The following SYN3 variants were observed in gnomAD, a reference collection of about 807,000 sequenced individuals.
The protein encoded by SYN3 is synapsin-3.
SYN3 carries 35 observed loss-of-function variants against 65.8 expected under a neutral mutation model. That is an observed-to-expected ratio of 0.53 (90% CI 0.41 to 0.70). The LOEUF is 0.70. Among genes scored for constraint, SYN3 ranks in the 30% least tolerant of loss-of-function variants. The pLI is 0.00. For synonymous variants in SYN3, 270 were observed against 292.9 expected, an observed-to-expected ratio of 0.92 and a Z score of 0.80; for missense variants, 680 against 749.0, an observed-to-expected ratio of 0.91 and a Z score of 1.08.
intron 3 of SYN3, among the ~76,000 whole-genome samples, chr22:32,977,145 G>C (rs2052219051): frequency 6.6e-6 from 1 of 152,144 alleles, no homozygotes; most frequent in South Asian, 2.1e-4. Context: ...TCACCTTCTG[G>C]CTTTCATAGA....
At chr22:32,947,002 T>C in intron 3 of SYN3, among the ~76,000 whole-genome samples, 1 of 152,166 alleles carries the variant, frequency 6.6e-6, no homozygotes, top group African/African-American at 2.4e-5. Flanking sequence ...CTATCTGAGC[T>C]TTTCTGTTTG....
At position 32,719,784 on chromosome 22, in the gene SYN3, G is replaced by T. The variant is rs117604568; in HGVS notation, c.712-123048C>A. Among the ~76,000 whole-genome samples, 1,651 of 152,248 alleles carry T rather than the reference G, an allele frequency of 0.011. 91 individuals carry two copies. In the East Asian group the frequency reaches 0.16, roughly 15 times the overall value. On this transcript the variant is annotated intron_variant, in intron 6 of 13. Coordinates refer to ENST00000358763, the MANE Select transcript of SYN3 (RefSeq NM_003490.4). ...GATGGCTTTAGCCTAGGAGTTTGAG[G>T]TTATAGTGAGCTATGACTGCAGCCA...
In SYN3 at chr22:32,751,544, A is replaced by G. The variant is rs114914808; in HGVS notation, c.711+113371T>C. Among the ~76,000 whole-genome samples, 439 of 152,308 alleles carry G rather than the reference A, an allele frequency of 2.9e-3. 2 individuals are homozygous for G. Among genetic ancestry groups the G allele is most frequent in the African/African-American group, 9.9e-3 (411 of 41,554 alleles). On this transcript the variant is annotated intron_variant, in intron 6 of 13. Transcript: ENST00000358763. ...GACTCAGCCATTGTCAGTCGCGTAC[A>G]GGCCTCTGTGGGTGCCCGGCAGAAC...
At chr22:32,872,135 T>G (rs2048866757) in intron 4 of SYN3, among the ~76,000 whole-genome samples, 1 of 152,216 alleles carries the variant, frequency 6.6e-6, no homozygotes, top group Non-Finnish European at 1.5e-5. Flanking sequence ...CTGTGACAAT[T>G]TTATTTCTCC....
At chr22:32,759,644 C>T in intron 6 of SYN3, among the ~76,000 whole-genome samples, 2 of 146,484 alleles carry the variant, frequency 1.4e-5, no homozygotes, top group African/African-American at 2.5e-5. Context: ...CCACCCCCAG[C>T]ACTCACCCAC....
At chr22:33,050,709 C>T (rs1040715535) in intron 1 of SYN3, among the ~76,000 whole-genome samples, 1 of 152,062 alleles carries the variant, frequency 6.6e-6, no homozygotes, top group Non-Finnish European at 1.5e-5. Context: ...ATTCCTGCTC[C>T]AGCCCCACCA....
chr22:33,054,553 A>T (rs2054224705), intron 1 of SYN3, among the ~76,000 whole-genome samples: 1 of 152,244 alleles, frequency 6.6e-6, no homozygotes, highest in Admixed American at 6.5e-5. Context: ...GCCATTAAGC[A>T]GTCAAGCCCC....
At chr22:32,931,192 G>C (rs1229901338) in intron 4 of SYN3, 198 bp downstream of exon 4, 1 of 509,352 alleles carries the variant, frequency 2.0e-6, no homozygotes, top group Non-Finnish European at 3.6e-6. Context: ...GGCTCACTTG[G>C]GGACACCACA....
intron 1 of SYN3, among the ~76,000 whole-genome samples, chr22:33,056,361 G>A (rs2054253365): frequency 6.6e-6 from 1 of 152,138 alleles, no homozygotes. Context: ...ATACCGTGGG[G>A]AAATGCTCAA....
intron 4 of SYN3, among the ~76,000 whole-genome samples, chr22:32,884,651 C>T (rs931505605): frequency 2.0e-5 from 3 of 152,172 alleles, no homozygotes; most frequent in African/African-American, 4.8e-5. Context: ...TAGGCCAAGG[C>T]GGGCGGATCA....
chr22:32,826,799 G>A (rs1377140248), intron 6 of SYN3, among the ~76,000 whole-genome samples: 1 of 152,128 alleles, frequency 6.6e-6, no homozygotes, highest in Non-Finnish European at 1.5e-5. Context: ...AGGAGTTCAT[G>A]GGGGAGTGAG....
At chr22:32,683,992 T>G (rs1377234374) in intron 6 of SYN3, among the ~76,000 whole-genome samples, 2 of 152,306 alleles carry the variant, frequency 1.3e-5, no homozygotes, top group East Asian at 3.9e-4. Flanking sequence ...GCTGCATTCG[T>G]GGACTTTTGG....
At chr22:33,044,712 A>G (rs2054027489) in intron 1 of SYN3, among the ~76,000 whole-genome samples, 1 of 151,662 alleles carries the variant, frequency 6.6e-6, no homozygotes, top group Admixed American at 6.6e-5. Flanking sequence ...AGCTCCCCCT[A>G]GGGTTTCTCA....
At chr22:32,677,210 T>G (rs2060458197) in intron 6 of SYN3, among the ~76,000 whole-genome samples, 1 of 152,134 alleles carries the variant, frequency 6.6e-6, no homozygotes, top group South Asian at 2.1e-4. Flanking sequence ...TAAGGAGGCT[T>G]AGAGGAAGGA....
intron 7 of SYN3, among the ~76,000 whole-genome samples, chr22:32,553,350 A>C (rs1177398363): frequency 6.6e-6 from 1 of 152,234 alleles, no homozygotes; most frequent in African/African-American, 2.4e-5. Flanking sequence ...CTTATTAATT[A>C]CTTGAAAAAA....
intron 6 of SYN3, among the ~76,000 whole-genome samples, chr22:32,796,932 C>T (rs1218916566): frequency 1.3e-5 from 2 of 152,194 alleles, no homozygotes; most frequent in Non-Finnish European, 2.9e-5. Flanking sequence ...GAGCATCTCC[C>T]CCTTTGGTTG....
At chr22:32,774,044 G>C (rs542064105) in intron 6 of SYN3, among the ~76,000 whole-genome samples, 49 of 152,194 alleles carry the variant, frequency 3.2e-4, no homozygotes, top group Non-Finnish European at 6.3e-4. Flanking sequence ...CTGGTCCCAA[G>C]GACAGGAAAG....
chr22:32,582,092 C>T (rs535406099), intron 7 of SYN3, among the ~76,000 whole-genome samples: 1 of 152,090 alleles, frequency 6.6e-6, no homozygotes, highest in Admixed American at 6.5e-5. Flanking sequence ...GCTACCACAC[C>T]CGGCCTGAGA....
chr22:32,604,784 T>A (rs1465569526), intron 6 of SYN3, among the ~76,000 whole-genome samples: 1 of 152,132 alleles, frequency 6.6e-6, no homozygotes, highest in Non-Finnish European at 1.5e-5. Context: ...GGCGGGCAGA[T>A]GACGAGGTCA....
Sources: gnomAD v4.1 joint callset for allele counts (sites outside exome capture counted in the v4.1 genomes callset) on GRCh38, gnomAD v4.1.1 for gene constraint, MANE v1.5 for transcripts, NCBI Gene and HGNC (gene_info 2026-07-23, HGNC 2026-07-21) for gene names.